Variants in ILRUN observed in about 807,000 individuals in gnomAD.
ILRUN encodes the protein protein ILRUN.
A neutral mutation model predicts 33.8 loss-of-function variants in ILRUN; 3 were observed. The observed-to-expected ratio is 0.09, with a 90% CI of 0.04 to 0.23. ILRUN has a LOEUF of 0.23. Ranked by LOEUF, ILRUN falls within the 10% of genes least tolerant of loss-of-function variation. The pLI is 1.00. For missense variants in ILRUN, 210 were observed against 375.1 expected (o/e 0.56, Z 3.64); for synonymous variants, 124 against 138.9 (o/e 0.89, Z 0.75).
intron 2 of ILRUN, among the ~76,000 whole-genome samples, chr6:34,649,235 C>G (rs1201289601): frequency 2.0e-5 from 3 of 152,206 alleles, no homozygotes; most frequent in Non-Finnish European, 4.4e-5. Context: ...ATAGTCACAA[C>G]TGTTAGGTCA....
At chr6:34,643,013 A>G (rs547864027) in intron 3 of ILRUN, among the ~76,000 whole-genome samples, 1 of 148,136 alleles carries the variant, frequency 6.8e-6, no homozygotes, top group Admixed American at 6.7e-5. Flanking sequence ...AAAGAGAGAG[A>G]GGCCAGGCGC....
At chr6:34,661,299 C>A (rs898318436) in intron 1 of ILRUN, among the ~76,000 whole-genome samples, 2 of 152,022 alleles carry the variant, frequency 1.3e-5, no homozygotes, top group Non-Finnish European at 2.9e-5. Flanking sequence ...AAAATGTCTA[C>A]AACTTTCAAA....
intron 1 of ILRUN, among the ~76,000 whole-genome samples, chr6:34,675,304 C>A (rs1763204863): frequency 6.6e-6 from 1 of 151,832 alleles, no homozygotes; most frequent in Admixed American, 6.6e-5. Context: ...GCAAAAACAA[C>A]AACAAAAAAG....
chr6:34,696,508 C>T lies in ILRUN; in HGVS notation c.96G>A (p.Gln32=), dbSNP rs1445202109. Residue 32 remains glutamine (Q), a synonymous_variant, in exon 1 of 5, where the codon CAG becomes CAA. Transcript: ENST00000374023. ...TDKDVLISEF[Q]RLLGFQLNPA... is the part of the protein sequence containing the mutation. ...GATTGAGCTGGAAGCCGAGCAGCCT[C>T]TGGAACTCGGAGATGAGCACGTCCT... 2.5e-6 allele frequency: 4 copies of T among 1,612,934 alleles called. No homozygotes were observed. The Admixed American group carries it at 5.0e-5, about 20-fold the overall frequency.
intron 1 of ILRUN, among the ~76,000 whole-genome samples, chr6:34,673,175 A>T (rs996447787): frequency 2.0e-5 from 3 of 152,218 alleles, no homozygotes; most frequent in African/African-American, 7.2e-5. Flanking sequence ...AAAAGTTTCA[A>T]ATTTTATCTC....
intron 1 of ILRUN, among the ~76,000 whole-genome samples, chr6:34,672,658 T>C (rs1472727478): frequency 1.3e-5 from 2 of 151,754 alleles, no homozygotes; most frequent in Non-Finnish European, 2.9e-5. Context: ...AAAATGCAAC[T>C]TGAAGGAAAC....
At chr6:34,680,465 C>T (rs996113526) in intron 1 of ILRUN, among the ~76,000 whole-genome samples, 1 of 151,858 alleles carries the variant, frequency 6.6e-6, no homozygotes, top group African/African-American at 2.4e-5. Context: ...TAAATCATGT[C>T]TTTTTTTGTT....
intron 1 of ILRUN, among the ~76,000 whole-genome samples, chr6:34,690,365 G>A (rs1196936611): frequency 6.6e-6 from 1 of 152,092 alleles, no homozygotes; most frequent in Non-Finnish European, 1.5e-5. Flanking sequence ...GGAGGCTGAG[G>A]CACAAGAATC....
chr6:34,688,862 G>T (rs1232864423), intron 1 of ILRUN, among the ~76,000 whole-genome samples: 1 of 151,940 alleles, frequency 6.6e-6, no homozygotes, highest in Non-Finnish European at 1.5e-5. Flanking sequence ...ACGGGAGGCT[G>T]AGGCAGGAGA....
intron 3 of ILRUN, among the ~76,000 whole-genome samples, chr6:34,616,000 G>A (rs1478531244): frequency 6.6e-6 from 1 of 152,208 alleles, no homozygotes; most frequent in Non-Finnish European, 1.5e-5. Flanking sequence ...ACAATAAACT[G>A]CTTCATCAAT....
chr6:34,688,041 G>C (rs11751920), intron 1 of ILRUN, among the ~76,000 whole-genome samples: 2,169 of 151,626 alleles, frequency 0.014, 22 homozygotes, highest in Non-Finnish European at 0.022. Context: ...GTCTACCAAC[G>C]AATGAACAGA....
At chr6:34,674,680 A>G (rs574172017) in intron 1 of ILRUN, among the ~76,000 whole-genome samples, 79 of 152,312 alleles carry the variant, frequency 5.2e-4, no homozygotes, top group South Asian at 6.2e-4. Context: ...TTTACTCTTT[A>G]AACCATACAT....
chr6:34,628,976 T>G (rs1762194288), intron 3 of ILRUN, among the ~76,000 whole-genome samples: 1 of 152,050 alleles, frequency 6.6e-6, no homozygotes, highest in Non-Finnish European at 1.5e-5. Flanking sequence ...CCAGGTGTGG[T>G]GACACATGCC....
chr6:34,645,783 G>A (rs1039014607), intron 3 of ILRUN, among the ~76,000 whole-genome samples: 5 of 152,310 alleles, frequency 3.3e-5, no homozygotes, highest in South Asian at 4.1e-4. Context: ...GAGCATCACC[G>A]TGTATGGTAT....
intron 4 of ILRUN, among the ~76,000 whole-genome samples, chr6:34,605,319 A>C: frequency 1.2e-5 from 1 of 83,086 alleles, no homozygotes; most frequent in South Asian, 3.8e-4. Flanking sequence ...AAACAAAAAC[A>C]AAAAAAAAAA....
chr6:34,603,261 C>T (rs1360055157), intron 4 of ILRUN, among the ~76,000 whole-genome samples: 1 of 152,202 alleles, frequency 6.6e-6, no homozygotes, highest in Non-Finnish European at 1.5e-5. Context: ...ATCTGTAATC[C>T]CAGCACTTTG....
At chr6:34,672,028 C>T (rs1004807208) in intron 1 of ILRUN, 2 of 152,182 alleles carry the variant, frequency 1.3e-5, no homozygotes, top group Admixed American at 6.5e-5. Context: ...CAGGGACTGC[C>T]CCACCCTGGA....
chr6:34,676,998 T>TAA (rs3044899), intron 1 of ILRUN, among the ~76,000 whole-genome samples: 2 of 131,230 alleles, frequency 1.5e-5, no homozygotes, highest in Admixed American at 7.9e-5. Flanking sequence ...ATGTCACAAT[T>TAA]AAAAAAAAAA....
intron 3 of ILRUN, among the ~76,000 whole-genome samples, chr6:34,640,766 T>G (rs538639127): frequency 6.6e-6 from 1 of 151,318 alleles, no homozygotes; most frequent in East Asian, 2.0e-4. Context: ...AGTGGATTCT[T>G]TCTCAAGAAG....
Sources: gnomAD v4.1 joint callset for allele counts (sites outside exome capture counted in the v4.1 genomes callset) on GRCh38, gnomAD v4.1.1 for gene constraint, MANE v1.5 for transcripts, NCBI Gene and HGNC (gene_info 2026-07-23, HGNC 2026-07-21) for gene names.